Variants in SYNE2 observed in about 807,000 individuals in gnomAD.
SYNE2 encodes the protein nesprin-2.
Under a neutral mutation model 856.3 loss-of-function variants are expected in SYNE2, and 431 were observed. The observed-to-expected ratio is 0.50, with a 90% CI of 0.47 to 0.55. The LOEUF (loss-of-function observed/expected upper bound fraction) is 0.55. Among genes scored for constraint, SYNE2 ranks in the 20% least tolerant of loss-of-function variants. SYNE2 has a pLI of 0.00. For missense variants in SYNE2, 8,129 were observed against 8,023.2 expected (o/e 1.01, Z -0.50); for synonymous variants, 2,923 against 2,872.3 (o/e 1.02, Z -0.56).
At chr14:64,046,076 A>C (rs746860216) in intron 45 of SYNE2, among the ~76,000 whole-genome samples, 1 of 152,258 alleles carries the variant, frequency 6.6e-6, no homozygotes, top group African/African-American at 2.4e-5. Flanking sequence ...TTTTTCATAT[A>C]TAAAGTAACC....
rs1317485494 is a variant in SYNE2, at chr14:64,015,021, GTATATAAATATATATGTATATATGTATA to G, written c.4729-1434_4729-1407del. 3.8e-3 allele frequency among the ~76,000 whole-genome samples: 398 copies of G among 104,640 alleles called. 2 individuals carry two copies. Among genetic ancestry groups the G allele is most frequent in the East Asian group, 5.1e-3 (20 of 3,928 alleles). The allele number at this position is 104,640 out of a possible 152,430, so 68.6% of individuals were successfully genotyped here. ...TATAAATATATATATGTGTATATATGTATATAAATATATATGTATATATGTATATATATAAATATATATGTGTATATAT... is the reference window on the plus strand; with the variant it reads ...TATAAATATATATATGTGTATATATGTATATAAATATATATGTGTATATAT... On this transcript the variant is annotated intron_variant, in intron 32 of 115. Transcript: ENST00000555002.
chr14:63,804,197 C>T (rs1888269287), intron 1 of SYNE2, among the ~76,000 whole-genome samples: 1 of 152,176 alleles, frequency 6.6e-6, no homozygotes, highest in African/African-American at 2.4e-5. Flanking sequence ...TGAACTAATA[C>T]ACCCATTTTT....
intron 78 of SYNE2, among the ~76,000 whole-genome samples, chr14:64,136,250 A>T (rs1177357992): frequency 6.9e-6 from 1 of 145,062 alleles, no homozygotes; most frequent in Non-Finnish European, 1.5e-5. Context: ...AGATAGCGCC[A>T]CTGTACTCCA....
rs374507468 is a variant in SYNE2 at position 64,121,882 on chromosome 14, C to A, written c.13159-130C>A. The A allele has an allele frequency of 2.8e-4, 347 of 1,251,126 alleles. 8 individuals carry two copies. The South Asian group carries it at 3.3e-3, about 12-fold the overall frequency. 77.5% of individuals were successfully genotyped at this position (1,251,126 alleles called of 1,614,324 possible). On this transcript the variant is annotated intron_variant, in intron 68 of 115. Transcript: ENST00000555002. ...GTGAGAGTTTACAAGAACAGGAATG[C>A]AAGAAAGAGAAATAGTAATTAATGA...
chr14:63,804,334 A>G (rs768450037), intron 1 of SYNE2, among the ~76,000 whole-genome samples: 1 of 151,748 alleles, frequency 6.6e-6, no homozygotes, highest in African/African-American at 2.4e-5. Context: ...CTCTGTTGAT[A>G]GTTTCTTTTG....
rs780569646 is a variant in SYNE2 at position 63,978,889 on chromosome 14, C to G, written c.1444C>G (p.Leu482Val). The change falls in exon 14 of 116, where the codon CTA (leucine) becomes GTA (valine). Residue 482 changes from leucine (L) to valine (V), a missense_variant. Around this residue, in one of 3 missense-constraint regions of SYNE2, gnomAD observed 2,422 missense variants for 2,357.4 expected, o/e 1.03. Transcript: ENST00000555002. ...NILEKKFILL[L>V]EFHYYKCLVL... ...TTTGGAGAAAAAATTTATTCTACTT[C>G]TAGAATTTCATTACTACAAGTGCTT... is the stretch of plus-strand genomic sequence containing the variant. 1.9e-6 allele frequency: 3 copies of G among 1,612,816 alleles called. No individual in the cohort carries two copies. The highest frequency in any genetic ancestry group is 1.7e-5 in the Admixed American group (1 of 59,986).
At chr14:64,186,786 T>C (rs1006151889) in intron 97 of SYNE2, among the ~76,000 whole-genome samples, 3 of 152,244 alleles carry the variant, frequency 2.0e-5, no homozygotes, top group African/African-American at 7.2e-5. Context: ...GCTAGAACTT[T>C]GCACGCTTTT....
At chr14:63,843,737 T>C (rs1489876811) in intron 1 of SYNE2, among the ~76,000 whole-genome samples, 1 of 152,224 alleles carries the variant, frequency 6.6e-6, no homozygotes, top group African/African-American at 2.4e-5. Flanking sequence ...ATAATCTGAT[T>C]TTCCTCTTTA....
chr14:64,177,485 T>G lies in SYNE2; in HGVS notation c.17556+2T>G. On this transcript the variant is annotated splice_donor_variant, in intron 96 of 115. Transcript: ENST00000555002. LOFTEE classifies it high-confidence loss of function. ...CATAACGAAAAAGAGCTGATTAAGG[T>G]ATTGAAATCCAAACAAGTGGCCAAG... The G allele has an allele frequency of 6.2e-7, 1 of 1,614,092 alleles. No individual in the cohort carries two copies. The highest frequency in any genetic ancestry group is 8.5e-7 in the Non-Finnish European group (1 of 1,180,004).
chr14:64,175,262 T>A, intron 95 of SYNE2, 124 bp downstream of exon 95: 1 of 1,101,126 alleles, frequency 9.1e-7, no homozygotes, highest in Non-Finnish European at 1.3e-6. Context: ...ACTCAAGCTG[T>A]AATCTGTAAG....
chr14:63,974,892 G>GTGTATATATA (rs1375697679), intron 11 of SYNE2, among the ~76,000 whole-genome samples: 11 of 67,318 alleles, frequency 1.6e-4, no homozygotes, highest in East Asian at 4.6e-4. Flanking sequence ...GTGTGTGTGT[G>GTGTATATATA]TATATATATA....
intron 1 of SYNE2, among the ~76,000 whole-genome samples, chr14:63,770,906 A>T (rs915076638): frequency 1.3e-5 from 2 of 152,070 alleles, no homozygotes; most frequent in African/African-American, 4.8e-5. Flanking sequence ...GGGTCTCACT[A>T]TATTGCCCAG....
At position 64,216,242 on chromosome 14, in the gene SYNE2, T is replaced by G. The variant is rs766639804; in HGVS notation, c.19403-6T>G. On this transcript the variant is annotated splice_polypyrimidine_tract_variant and splice_region_variant and intron_variant, in intron 107 of 115. Transcript: ENST00000555002. ...ATAGACTGTCGCTTGCTGTCTTTCG[T>G]TTCAGGTAAATCCATTTCGGATGGC... 2 of 1,614,150 alleles carry G rather than the reference T, an allele frequency of 1.2e-6. No homozygotes were observed. The highest frequency in any genetic ancestry group is 1.7e-5 in the Admixed American group (1 of 60,028).
At chr14:63,862,775 T>TG (rs1894084772) in intron 1 of SYNE2, among the ~76,000 whole-genome samples, 1 of 151,626 alleles carries the variant, frequency 6.6e-6, no homozygotes, top group Non-Finnish European at 1.5e-5. Context: ...TAGAAGGTTT[T>TG]GGGGCAGTTT....
chr14:63,991,182 G>C, intron 21 of SYNE2, 67 bp downstream of exon 21: 1 of 1,485,808 alleles, frequency 6.7e-7, no homozygotes, highest in South Asian at 1.2e-5. Context: ...TTGAAATCAA[G>C]ATGTTTCCTT....
rs796422626 is a variant in SYNE2 at position 63,987,934 on chromosome 14, C to G, written c.2313+1317C>G. 9.9e-5 allele frequency among the ~76,000 whole-genome samples: 15 copies of G among 152,082 alleles called. 1 individual carries two copies. Among genetic ancestry groups the G allele is most frequent in the African/African-American group, 3.6e-4 (15 of 41,508 alleles). On this transcript the variant is annotated intron_variant, in intron 19 of 115. Transcript: ENST00000555002. ...TGTGTGGATAATGAGATAATGTAAT[C>G]TCATTTGTGGTTTTTAAACAGAGTT...
intron 1 of SYNE2, among the ~76,000 whole-genome samples, chr14:63,797,359 C>T (rs1209403027): frequency 1.3e-5 from 2 of 151,892 alleles, no homozygotes; most frequent in Non-Finnish European, 2.9e-5. Flanking sequence ...CCACTGCACT[C>T]CAGCTTGGGT....
intron 30 of SYNE2, among the ~76,000 whole-genome samples, chr14:64,004,233 A>T (rs2096777837): frequency 7.6e-6 from 1 of 132,376 alleles, no homozygotes; most frequent in African/African-American, 2.9e-5. Flanking sequence ...ACGGGTTTTC[A>T]CCATATTGGC....
chr14:63,898,570 A>G (rs2095291276), intron 1 of SYNE2, among the ~76,000 whole-genome samples: 1 of 151,700 alleles, frequency 6.6e-6, no homozygotes, highest in African/African-American at 2.4e-5. Context: ...GCACCTGGTT[A>G]ATTTTTGTTT....
Sources: allele counts gnomAD v4.1 joint callset (sites outside exome capture counted in the v4.1 genomes callset), GRCh38; gene constraint gnomAD v4.1.1; regional missense constraint gnomAD v4.1.1; transcripts MANE v1.5; gene names NCBI Gene and HGNC (gene_info 2026-07-23, HGNC 2026-07-21).